Variants in ZNF239 observed in about 807,000 individuals in gnomAD.
The protein encoded by ZNF239 is zinc finger protein 239.
ZNF239 carries 16 observed loss-of-function variants against 27.5 expected under a neutral mutation model. That is an observed-to-expected ratio of 0.58 (90% CI 0.39 to 0.88). ZNF239 has a LOEUF of 0.88. Among genes scored for constraint, ZNF239 ranks in the 40% least tolerant of loss-of-function variants. The pLI is 0.00. For missense variants in ZNF239, 527 were observed against 551.9 expected, an observed-to-expected ratio of 0.95 and a Z score of 0.45; for synonymous variants, 199 against 192.6, an observed-to-expected ratio of 1.03 and a Z score of -0.27.
intron 3 of ZNF239, among the ~76,000 whole-genome samples, chr10:43,561,922 A>C (rs1057501979): frequency 6.6e-6 from 1 of 152,208 alleles, no homozygotes; most frequent in Non-Finnish European, 1.5e-5. Flanking sequence ...AAACCCCCCA[A>C]ATAAAATATA....
chr10:43,567,253 G>A (rs1056934867), intron 3 of ZNF239, among the ~76,000 whole-genome samples: 1 of 152,150 alleles, frequency 6.6e-6, no homozygotes, highest in Non-Finnish European at 1.5e-5. Flanking sequence ...TCCTGAATGT[G>A]TAAGAAAAGA....
chr10:43,566,781 A>C (rs1404901492), intron 3 of ZNF239, among the ~76,000 whole-genome samples: 1 of 152,148 alleles, frequency 6.6e-6, no homozygotes, highest in East Asian at 1.9e-4. Context: ...CTAGTGGGTA[A>C]ATAATTTTTT....
At chr10:43,572,020 A>T (rs752428701) in intron 2 of ZNF239, among the ~76,000 whole-genome samples, 4 of 152,246 alleles carry the variant, frequency 2.6e-5, no homozygotes, top group African/African-American at 9.6e-5. Flanking sequence ...ACCACAGTTC[A>T]TAAGGGCGAA....
chr10:43,563,846 T>C (rs567048470), intron 3 of ZNF239, among the ~76,000 whole-genome samples: 14 of 152,028 alleles, frequency 9.2e-5, no homozygotes, highest in African/African-American at 3.4e-4. Context: ...CAGGCTGGAG[T>C]GCACTGGCAC....
intron 1 of ZNF239, among the ~76,000 whole-genome samples, chr10:43,573,918 C>T (rs1043681226): frequency 1.3e-5 from 2 of 152,170 alleles, no homozygotes; most frequent in African/African-American, 4.8e-5. Context: ...ATTCCGCAGC[C>T]GCCGGCAGCT....
chr10:43,570,202 G>A, intron 2 of ZNF239: 2 of 985,334 alleles, frequency 2.0e-6, no homozygotes, highest in Non-Finnish European at 2.4e-6. Context: ...GGAAGGATGA[G>A]GGTAAAGATG....
chr10:43,568,664 A>G (rs1837841260), intron 2 of ZNF239, among the ~76,000 whole-genome samples: 1 of 152,260 alleles, frequency 6.6e-6, no homozygotes, highest in East Asian at 1.9e-4. Context: ...ACTGCCAAAT[A>G]TTTATTTCCA....
In ZNF239 at chr10:43,557,397, T is replaced by C; in HGVS notation, c.683A>G (p.Asp228Gly). 6.2e-7 allele frequency: 1 copy of C among 1,614,188 alleles called. No homozygotes were observed. The highest frequency in any genetic ancestry group is 8.5e-7 in the Non-Finnish European group (1 of 1,180,034). The change falls in exon 4 of 4, where the codon GAC becomes GGC. Residue 228 changes from aspartate (D) to glycine (G), a missense_variant. Transcript: ENST00000374446. Reference protein sequence around the residue: ...QSSELLLHQRDHTEEKPYKCE... With the variant: ...QSSELLLHQRGHTEEKPYKCE... The stretch of plus-strand genomic sequence containing the variant: ...TTTGTAGGGTTTTTCTTCTGTGTGG[T>C]CTCTCTGATGAAGTAGTAGCTCTGA...
At chr10:43,560,293 A>C (rs1227391881) in intron 3 of ZNF239, among the ~76,000 whole-genome samples, 1 of 152,242 alleles carries the variant, frequency 6.6e-6, no homozygotes, top group Non-Finnish European at 1.5e-5. Flanking sequence ...CAATGGATTA[A>C]GGTACAAAAA....
In ZNF239 at chr10:43,558,148, C is replaced by T. The variant is rs1836945504; in HGVS notation, c.-69G>A. The stretch of plus-strand genomic sequence containing the variant: ...TGAAGTGTTTTCTGCTGAAGATTCT[C>T]CACAGAATTTTCATTCAAGTCTCCT... On this transcript the variant is annotated 5_prime_UTR_variant, in exon 4 of 4. An upstream open reading frame in the 5' UTR gains an earlier in-frame stop. Transcript: ENST00000374446. The T allele has an allele frequency of 6.7e-7, 1 of 1,500,516 alleles. No individual in the cohort carries two copies. The allele number at this position is 1,500,516 out of a possible 1,614,324, so 93.0% of individuals were successfully genotyped here. A position where few individuals can be genotyped will look rare whatever the true frequency, so the allele number is the denominator to read the frequency against.
At chr10:43,568,847 C>T (rs898820862) in intron 2 of ZNF239, among the ~76,000 whole-genome samples, 4 of 152,050 alleles carry the variant, frequency 2.6e-5, no homozygotes, top group Non-Finnish European at 4.4e-5. Context: ...GTCAGGAGTT[C>T]GAGACCAGCC....
Position 43,559,924 on chromosome 10 carries a change from C to T in ZNF239, c.-92-1753G>A, listed in dbSNP as rs144662867. On this transcript the variant is annotated intron_variant, in intron 3 of 3. Coordinates refer to ENST00000374446, the MANE Select transcript of ZNF239 (RefSeq NM_001099282.2). The stretch of plus-strand genomic sequence containing the variant: ...GAAGGCTTCTTCGTGGGTAAAACAT[C>T]CTAAGAAATCATAGAAATTCAATTA... 1.6e-4 allele frequency among the ~76,000 whole-genome samples: 25 copies of T among 152,232 alleles called. No individual in the cohort carries two copies. The East Asian group carries it at 4.6e-3, about 28-fold the overall frequency.
At chr10:43,558,956 A>C (rs1391472166) in intron 3 of ZNF239, among the ~76,000 whole-genome samples, 1 of 152,196 alleles carries the variant, frequency 6.6e-6, no homozygotes, top group Non-Finnish European at 1.5e-5. Flanking sequence ...ACCAGCCACG[A>C]AAGCACAGCA....
intron 3 of ZNF239, among the ~76,000 whole-genome samples, chr10:43,565,911 T>C (rs1018504472): frequency 4.1e-5 from 6 of 146,596 alleles, no homozygotes; most frequent in African/African-American, 1.5e-4. Context: ...ACAGAAAAAC[T>C]ATGATTTCAT....
chr10:43,557,152 G>C lies in ZNF239; in HGVS notation c.928C>G (p.Gln310Glu). 1 of 1,613,776 alleles carries C rather than the reference G, an allele frequency of 6.2e-7. No homozygotes were observed. The highest frequency in any genetic ancestry group is 1.1e-5 in the South Asian group (1 of 91,044). Residue 310 changes from glutamine to glutamate, a missense_variant, in exon 4 of 4, where the codon CAG (glutamine) becomes GAG (glutamate). Transcript: ENST00000374446. Reference sequence around the variant, plus strand: ...GGCTTCTCTCCAGTGTGGACTCGCTGGTGGATGTGCAGTTTGGAGCTCTGA... The same window carrying C: ...GGCTTCTCTCCAGTGTGGACTCGCTCGTGGATGTGCAGTTTGGAGCTCTGA... ...FSQSSKLHIH[Q>E]RVHTGEKPYE...
intron 3 of ZNF239, among the ~76,000 whole-genome samples, chr10:43,563,599 A>G (rs1351907033): frequency 6.6e-6 from 1 of 152,224 alleles, no homozygotes; most frequent in Non-Finnish European, 1.5e-5. Context: ...TTACTTGCAT[A>G]AAAGAAAAAT....
rs191574539 is a variant in ZNF239 at position 43,561,976 on chromosome 10, T to C, written c.-92-3805A>G. ...TAGCTTCAGAGGAAAAATAAAAAAA[T>C]TAAAAAGAACTATAATCATACTGTA... is the stretch of plus-strand genomic sequence containing the variant. On this transcript the variant is annotated intron_variant, in intron 3 of 3. Coordinates refer to ENST00000374446, the MANE Select transcript of ZNF239 (RefSeq NM_001099282.2). Among the ~76,000 whole-genome samples, 948 of 152,134 alleles carry C rather than the reference T, an allele frequency of 6.2e-3. 6 individuals are homozygous for C. The highest frequency in any genetic ancestry group is 9.0e-3 in the Admixed American group (137 of 15,268).
At chr10:43,560,151 G>A (rs908262105) in intron 3 of ZNF239, among the ~76,000 whole-genome samples, 3 of 152,168 alleles carry the variant, frequency 2.0e-5, no homozygotes, top group Non-Finnish European at 4.4e-5. Flanking sequence ...AATATTGGAT[G>A]GCTAGCAGCA....
Position 43,556,580 on chromosome 10 carries a change from G to A in ZNF239, c.*123C>T. ...TTTTGAATGAGTGATTTTTCAGTGA[G>A]GGAACATATCTAAATAACCCTTACA... is the stretch of plus-strand genomic sequence containing the variant. On this transcript the variant is annotated 3_prime_UTR_variant, in exon 4 of 4. Transcript: ENST00000374446. 2 of 1,264,250 alleles carry A rather than the reference G, an allele frequency of 1.6e-6. No homozygotes were observed. The highest frequency in any genetic ancestry group is 4.9e-5 in the East Asian group (2 of 40,726). The allele number at this position is 1,264,250 out of a possible 1,614,324, so 78.3% of individuals were successfully genotyped here. A position where few individuals can be genotyped will look rare whatever the true frequency, so the allele number is the denominator to read the frequency against.
Sources: gnomAD v4.1 joint callset for allele counts (sites outside exome capture counted in the v4.1 genomes callset) on GRCh38, gnomAD v4.1.1 for gene constraint, MANE v1.5 for transcripts, NCBI Gene and HGNC (gene_info 2026-07-23, HGNC 2026-07-21) for gene names.